The following FBN2 variants were observed in gnomAD, a reference collection of about 807,000 sequenced individuals.
FBN2 encodes fibrillin 2, also known as fibrillin-2.
In FBN2, 105 loss-of-function variants were observed where a neutral mutation model predicts 355.6. That is an observed-to-expected ratio of 0.30 (90% CI 0.25 to 0.35). The LOEUF is 0.35. Ranked by LOEUF, FBN2 falls within the 10% of genes least tolerant of loss-of-function variation. The pLI, the probability that FBN2 is intolerant of heterozygous loss-of-function variation, is 1.00. For missense variants in FBN2, 3,280 were observed against 3,758.7 expected, an observed-to-expected ratio of 0.87 and a Z score of 3.33; for synonymous variants, 1,350 against 1,301.2, an observed-to-expected ratio of 1.04 and a Z score of -0.81.
At chr5:128,323,404 T>C (rs1351832285) in intron 34 of FBN2, among the ~76,000 whole-genome samples, 2 of 152,202 alleles carry the variant, frequency 1.3e-5, no homozygotes, top group African/African-American at 2.4e-5. Flanking sequence ...TTGTCATAAA[T>C]AGCTCCTATT....
intron 5 of FBN2, among the ~76,000 whole-genome samples, chr5:128,466,677 C>G (rs1334351598): frequency 6.6e-6 from 1 of 152,094 alleles, no homozygotes; most frequent in Non-Finnish European, 1.5e-5. Context: ...TCTTGGCAAG[C>G]CATTTTAACA....
At chr5:128,502,771 T>C (rs1040511315) in intron 5 of FBN2, among the ~76,000 whole-genome samples, 1 of 152,148 alleles carries the variant, frequency 6.6e-6, no homozygotes, top group Non-Finnish European at 1.5e-5. Flanking sequence ...AAATCTAAAA[T>C]AATAATTTTT....
intron 4 of FBN2, among the ~76,000 whole-genome samples, chr5:128,521,201 A>G (rs952237037): frequency 6.6e-6 from 1 of 152,194 alleles, no homozygotes; most frequent in African/African-American, 2.4e-5. Flanking sequence ...AAGGAACAAC[A>G]TAATGTCCTT....
At chr5:128,358,406 T>C (rs1751557700) in intron 19 of FBN2, among the ~76,000 whole-genome samples, 1 of 152,118 alleles carries the variant, frequency 6.6e-6, no homozygotes, top group South Asian at 2.1e-4. Context: ...ATACTTTTTC[T>C]TTCTCTAAAT....
At chr5:128,441,778 G>T (rs888859164) in intron 7 of FBN2, among the ~76,000 whole-genome samples, 2 of 152,010 alleles carry the variant, frequency 1.3e-5, no homozygotes, top group Admixed American at 6.6e-5. Context: ...TCGAGAGAGA[G>T]GGAATACATA....
At chr5:128,297,765 A>C (rs1054874294) in intron 48 of FBN2, among the ~76,000 whole-genome samples, 1 of 152,144 alleles carries the variant, frequency 6.6e-6, no homozygotes, top group South Asian at 2.1e-4. Context: ...AATACAGCAC[A>C]CTGATGGGTC....
chr5:128,449,560 A>G (rs939124848), intron 6 of FBN2, among the ~76,000 whole-genome samples: 2 of 151,108 alleles, frequency 1.3e-5, no homozygotes, highest in Non-Finnish European at 3.0e-5. Flanking sequence ...GCAGAGATAT[A>G]GCTAATAATC....
Position 128,305,544 on chromosome 5 carries a change from C to T in FBN2, c.5641G>A (p.Gly1881Ser). Residue 1881 changes from glycine (G) to serine (S), a missense_variant, in exon 44 of 65, where the codon GGT (glycine) becomes AGT (serine). Gly to Ser is a moderately conservative substitution (Grantham distance 56). This residue lies in a region of FBN2 where 2,284 missense variants were observed against 2,749.5 expected (regional missense o/e 0.83). Transcript: ENST00000262464. ...PGSYRCECAA[G>S]FKLSPNGACV... ...GCCCCATTGGGTGAAAGTTTGAAAC[C>T]CGCGGCACATTCACAGCGGTAACTA... is the stretch of plus-strand genomic sequence containing the variant. The T allele has an allele frequency of 1.9e-6, 3 of 1,614,038 alleles. No homozygotes were observed. The highest frequency in any genetic ancestry group is 2.5e-6 in the Non-Finnish European group (3 of 1,179,974).
chr5:128,376,611 C>A, intron 14 of FBN2, 120 bp downstream of exon 14: 1 of 1,220,842 alleles, frequency 8.2e-7, no homozygotes. Context: ...AGTGAATTAG[C>A]AAGAAATGTG....
At position 128,259,353 on chromosome 5, in the gene FBN2, G is replaced by GTTA; in HGVS notation, c.*99_*101dup. 1 of 1,372,338 alleles carries GTTA rather than the reference G, an allele frequency of 7.3e-7. No homozygotes were observed. Among genetic ancestry groups the GTTA allele is most frequent in the South Asian group, 1.2e-5 (1 of 85,438 alleles). 85.0% of individuals were successfully genotyped at this position (1,372,338 alleles called of 1,614,324 possible). On this transcript the variant is annotated 3_prime_UTR_variant, in exon 65 of 65. Transcript: ENST00000262464. ...TAAGACAGGGAGGAAAGAAACAAGA[G>GTTA]TTATTATTATTTTTCCTCTTTAAAA...
chr5:128,345,515 A>G lies in FBN2; in HGVS notation c.3059T>C (p.Phe1020Ser). 6.2e-7 allele frequency: 1 copy of G among 1,614,164 alleles called. No individual in the cohort carries two copies. Among genetic ancestry groups the G allele is most frequent in the Non-Finnish European group, 8.5e-7 (1 of 1,180,016 alleles). Residue 1020 changes from phenylalanine to serine, a missense_variant, in exon 24 of 65, where the codon TTC becomes TCC. This residue lies in a region of FBN2 where 2,284 missense variants were observed against 2,749.5 expected (regional missense o/e 0.83). Transcript: ENST00000262464. ...DECIHPVPGK[F>S]RMDACCCAVG... is the part of the protein sequence containing the mutation. Reference sequence around the variant, plus strand: ...AGCACAGCAGCAGGCATCCATGCGGAACTTTCCAGGAACGGGGTGGATGCA... The same window carrying G: ...AGCACAGCAGCAGGCATCCATGCGGGACTTTCCAGGAACGGGGTGGATGCA...
At chr5:128,464,455 T>C (rs1182070212) in intron 6 of FBN2, among the ~76,000 whole-genome samples, 1 of 152,194 alleles carries the variant, frequency 6.6e-6, no homozygotes, top group Non-Finnish European at 1.5e-5. Context: ...GAGTGGTTCA[T>C]CCTTTGATTG....
chr5:128,297,616 T>C (rs1749562281), intron 48 of FBN2, among the ~76,000 whole-genome samples: 1 of 152,184 alleles, frequency 6.6e-6, no homozygotes, highest in African/African-American at 2.4e-5. Flanking sequence ...CTTTTGATCT[T>C]TGTTGGTTTA....
chr5:128,363,311 C>G (rs1178691213), intron 18 of FBN2, among the ~76,000 whole-genome samples: 4 of 152,106 alleles, frequency 2.6e-5, no homozygotes, highest in Admixed American at 2.6e-4. Flanking sequence ...CTGCTTCAGC[C>G]TCCTGGGTGC....
chr5:128,411,592 C>A (rs1753065105), intron 7 of FBN2, among the ~76,000 whole-genome samples: 1 of 152,206 alleles, frequency 6.6e-6, no homozygotes, highest in African/African-American at 2.4e-5. Context: ...CTTCTTCTCT[C>A]CTTCCTTGCC....
rs554228400 is a variant in FBN2 at position 128,277,244 on chromosome 5, C to T, written c.7471+636G>A. Among the ~76,000 whole-genome samples, 7 of 152,038 alleles carry T rather than the reference C, an allele frequency of 4.6e-5. No homozygotes were observed. In the East Asian group the frequency reaches 5.8e-4, roughly 13 times the overall value. On this transcript the variant is annotated intron_variant, in intron 58 of 64. Coordinates refer to ENST00000262464, the MANE Select transcript of FBN2 (RefSeq NM_001999.4). Reference sequence around the variant, plus strand: ...TGAAGTTGAATACTTTGGAAAGACCCGACAAAAGTCTAAGTCCTTTCTGCC... The same window carrying T: ...TGAAGTTGAATACTTTGGAAAGACCTGACAAAAGTCTAAGTCCTTTCTGCC...
intron 7 of FBN2, among the ~76,000 whole-genome samples, chr5:128,417,249 T>G (rs186644448): frequency 2.0e-5 from 3 of 152,184 alleles, no homozygotes; most frequent in Non-Finnish European, 4.4e-5. Flanking sequence ...CTAAGAGGTT[T>G]TGGTGCAATT....
At chr5:128,532,425 G>C (rs1756733737) in intron 2 of FBN2, among the ~76,000 whole-genome samples, 1 of 152,154 alleles carries the variant, frequency 6.6e-6, no homozygotes, top group Non-Finnish European at 1.5e-5. Context: ...CTTCGAATGG[G>C]AAGTCTCTCC....
At chr5:128,437,034 G>A (rs1461581716) in intron 7 of FBN2, among the ~76,000 whole-genome samples, 1 of 152,214 alleles carries the variant, frequency 6.6e-6, no homozygotes, top group Non-Finnish European at 1.5e-5. Flanking sequence ...TCTCGTGATA[G>A]AAATGTGAAT....
Sources: allele counts gnomAD v4.1 joint callset (sites outside exome capture counted in the v4.1 genomes callset), GRCh38; gene constraint gnomAD v4.1.1; regional missense constraint gnomAD v4.1.1; transcripts MANE v1.5; gene names NCBI Gene and HGNC (gene_info 2026-07-23, HGNC 2026-07-21).